The following ANO1 variants were observed in gnomAD, a reference collection of about 807,000 sequenced individuals.
The protein encoded by ANO1 is anoctamin 1.
A neutral mutation model predicts 124.0 loss-of-function variants in ANO1; 59 were observed. The ratio of observed to expected loss-of-function variants is 0.48; its 90% CI spans 0.39 to 0.59. The LOEUF (loss-of-function observed/expected upper bound fraction) is 0.59. Ranked by LOEUF, ANO1 falls within the 20% of genes least tolerant of loss-of-function variation. ANO1 has a pLI of 0.00. For missense variants in ANO1, 1,059 were observed against 1,328.0 expected (o/e 0.80, Z 3.15); for synonymous variants, 529 against 532.0 (o/e 0.99, Z 0.08).
intron 1 of ANO1, among the ~76,000 whole-genome samples, chr11:70,083,286 G>A (rs1486148634): frequency 1.3e-5 from 2 of 152,172 alleles, no homozygotes; most frequent in Non-Finnish European, 2.9e-5. Flanking sequence ...GCAACCCCAT[G>A]AGGGAGGTCA....
chr11:70,017,344 G>C (rs1369931359), intron 1 of ANO1, among the ~76,000 whole-genome samples: 6 of 152,300 alleles, frequency 3.9e-5, no homozygotes, highest in Admixed American at 2.0e-4. Context: ...TTTCAGCCCA[G>C]AGCGTGTTTC....
intron 14 of ANO1, among the ~76,000 whole-genome samples, chr11:70,154,895 G>A (rs1267925945): frequency 2.6e-5 from 4 of 152,222 alleles, no homozygotes; most frequent in Admixed American, 6.5e-5. Flanking sequence ...GGATGTGCAC[G>A]CCCGGGTGCC....
At chr11:70,175,137 C>G (rs1417591488) in intron 22 of ANO1, among the ~76,000 whole-genome samples, 1 of 152,216 alleles carries the variant, frequency 6.6e-6, no homozygotes, top group Non-Finnish European at 1.5e-5. Context: ...TGAAAGGGAG[C>G]AGCAGCTCAG....
intron 22 of ANO1, among the ~76,000 whole-genome samples, chr11:70,175,322 T>C (rs1357529531): frequency 6.6e-6 from 1 of 152,276 alleles, no homozygotes; most frequent in Non-Finnish European, 1.5e-5. Flanking sequence ...TGCCCTCCTT[T>C]CACGAGTTTG....
chr11:70,027,624 G>T (rs1305932530), intron 1 of ANO1, among the ~76,000 whole-genome samples: 1 of 152,232 alleles, frequency 6.6e-6, no homozygotes, highest in Non-Finnish European at 1.5e-5. Flanking sequence ...GCACACAGTA[G>T]GTCCGCAGTC....
At chr11:70,066,276 C>T (rs1489542191) in intron 1 of ANO1, among the ~76,000 whole-genome samples, 5 of 152,208 alleles carry the variant, frequency 3.3e-5, no homozygotes, top group African/African-American at 1.2e-4. Flanking sequence ...GAGCTGCCCT[C>T]GTGGGCACTA....
intron 1 of ANO1, among the ~76,000 whole-genome samples, chr11:70,071,917 C>G (rs782185456): frequency 6.6e-6 from 1 of 152,112 alleles, no homozygotes; most frequent in Non-Finnish European, 1.5e-5. Context: ...AGCCACCATG[C>G]CTGGCCAGGA....
At chr11:70,024,672 G>A (rs4980746) in intron 1 of ANO1, among the ~76,000 whole-genome samples, 48,712 of 151,976 alleles carry the variant, frequency 0.32, 8,492 homozygotes, top group Admixed American at 0.4. Flanking sequence ...ATTTTGACTC[G>A]GGCTCCCAAG....
At chr11:70,147,975 C>T (rs1423654318) in intron 11 of ANO1, among the ~76,000 whole-genome samples, 1 of 152,186 alleles carries the variant, frequency 6.6e-6, no homozygotes, top group East Asian at 1.9e-4. Context: ...CGGGGGGTTC[C>T]TATTTCCAGG....
chr11:70,081,027 T>C (rs752939836), intron 1 of ANO1, among the ~76,000 whole-genome samples: 3 of 152,310 alleles, frequency 2.0e-5, no homozygotes, highest in Non-Finnish European at 4.4e-5. Flanking sequence ...TTTCAAAAGT[T>C]CCTATCCTGT....
chr11:70,017,131 C>T (rs782459194), intron 1 of ANO1, among the ~76,000 whole-genome samples: 3 of 152,186 alleles, frequency 2.0e-5, no homozygotes, highest in Admixed American at 6.5e-5. Flanking sequence ...GAACAAAATC[C>T]CACGCGGGCC....
At chr11:70,150,953 T>C (rs896889008) in intron 12 of ANO1, among the ~76,000 whole-genome samples, 9 of 152,214 alleles carry the variant, frequency 5.9e-5, no homozygotes, top group African/African-American at 2.2e-4. Flanking sequence ...ATGTGCCAGC[T>C]TTGGGTTGAC....
intron 22 of ANO1, among the ~76,000 whole-genome samples, chr11:70,177,564 G>T (rs1000379292): frequency 1.3e-5 from 2 of 148,858 alleles, no homozygotes; most frequent in African/African-American, 5.0e-5. Flanking sequence ...CAGAGCCGAG[G>T]AGTCTCGATT....
intron 21 of ANO1, among the ~76,000 whole-genome samples, chr11:70,169,357 T>C (rs899974016): frequency 1.3e-5 from 2 of 151,798 alleles, no homozygotes; most frequent in Non-Finnish European, 2.9e-5. Context: ...CCCCACCCCA[T>C]GGGCTGCCAG....
chr11:69,969,256 C>G, the ANO1 span, among the ~76,000 whole-genome samples: 1 of 152,132 alleles, frequency 6.6e-6, no homozygotes, highest in African/African-American at 2.4e-5. Context: ...GAATCTCCTT[C>G]GGAGCCATGG....
intron 1 of ANO1, 111 bp from the exon 2 acceptor site, chr11:70,087,641 G>A (rs542672503): frequency 1.8e-6 from 2 of 1,107,814 alleles, no homozygotes; most frequent in Admixed American, 3.0e-5. Flanking sequence ...CTCAGGGAGT[G>A]TTTGTTGAAC....
chr11:70,031,027 CT>C (rs1281340489), intron 1 of ANO1, among the ~76,000 whole-genome samples: 6 of 152,226 alleles, frequency 3.9e-5, no homozygotes, highest in African/African-American at 7.2e-5. Context: ...TCACTGCAAC[CT>C]CTGCCTCCTG....
upstream of ANO1, among the ~76,000 whole-genome samples, chr11:70,075,863 A>T (rs1309779310): frequency 6.6e-6 from 1 of 152,236 alleles, no homozygotes; most frequent in African/African-American, 2.4e-5. Context: ...AGGACCCTGT[A>T]AACTTGTCCT....
intron 11 of ANO1, among the ~76,000 whole-genome samples, chr11:70,145,953 A>G (rs1322719336): frequency 1.3e-5 from 2 of 151,602 alleles, no homozygotes; most frequent in African/African-American, 2.4e-5. Flanking sequence ...CAAAAAAAAA[A>G]AAAAAAAAAA....
Sources: allele counts gnomAD v4.1 joint callset (sites outside exome capture counted in the v4.1 genomes callset), GRCh38; gene constraint gnomAD v4.1.1; transcripts MANE v1.5; gene names NCBI Gene and HGNC (gene_info 2026-07-23, HGNC 2026-07-21).